Variants in SPINK14 observed in about 807,000 individuals in gnomAD.
SPINK14 encodes serine peptidase inhibitor Kazal type 14 (putative), also known as serine protease inhibitor Kazal-type 14.
A neutral mutation model predicts 14.2 loss-of-function variants in SPINK14; 6 were observed. That is an observed-to-expected ratio of 0.42 (90% CI 0.23 to 0.83). The LOEUF (loss-of-function observed/expected upper bound fraction) is 0.83, where lower values mean the gene tolerates loss of function less well. Ranked by LOEUF, SPINK14 falls within the 40% of genes least tolerant of loss-of-function variation. The pLI is 0.28. For missense variants in SPINK14, 86 were observed against 108.3 expected (o/e 0.79, Z 0.91); for synonymous variants, 34 against 36.8 (o/e 0.92, Z 0.27).
intron 1 of SPINK14, among the ~76,000 whole-genome samples, 128 bp downstream of exon 1, chr5:148,168,695 G>A (rs1271082968): frequency 1.3e-5 from 2 of 152,110 alleles, no homozygotes; most frequent in East Asian, 1.9e-4. Context: ...ATATCAGGAT[G>A]AGATGGGGGT....
intron 1 of SPINK14, among the ~76,000 whole-genome samples, 70 bp downstream of exon 1, chr5:148,168,637 G>A (rs1389329592): frequency 6.8e-6 from 1 of 147,284 alleles, no homozygotes; most frequent in African/African-American, 2.4e-5. Context: ...TCTGGCTGCA[G>A]CTGAACTTGT....
Position 148,174,272 on chromosome 5 carries a change from C to T in SPINK14, c.150C>T (p.Tyr50=). ...ATGAGAAAGTAAACTTGAGCTGGTA[C>T]AATGGAACGGTCAACCCCTGCCCTG... The part of the protein sequence containing the change: ...CPYEKVNLSW[Y]NGTVNPCPGL... Residue 50 remains tyrosine (Y), a synonymous_variant, in exon 4 of 5, where the codon TAC becomes TAT. Coordinates refer to ENST00000356972, the MANE Select transcript of SPINK14 (RefSeq NM_001001325.2). 1 of 1,114,000 alleles carries T rather than the reference C, an allele frequency of 9.0e-7. No individual in the cohort carries two copies. The highest frequency in any genetic ancestry group is 1.6e-5 in the South Asian group (1 of 64,338). 69.0% of individuals were successfully genotyped at this position (1,114,000 alleles called of 1,614,324 possible). A position where few individuals can be genotyped will look rare whatever the true frequency, so the allele number is the denominator to read the frequency against.
At chr5:148,170,079 A>G (rs146261236) in intron 2 of SPINK14, among the ~76,000 whole-genome samples, 100 of 112,602 alleles carry the variant, frequency 8.9e-4, no homozygotes, top group African/African-American at 3.2e-3. Context: ...ACACATATAC[A>G]TATACATATA....
rs759843210 is a variant in SPINK14, at chr5:148,174,215, CT to C, written c.112-15del. On this transcript the variant is annotated intron_variant, in intron 3 of 4. Coordinates refer to ENST00000356972, the MANE Select transcript of SPINK14 (RefSeq NM_001001325.2). ...TAAGTGGGATTCTAACTGGATAAAT[CT>C]TTTCAACTCAATTTCAGGTGAAATG... 1.8e-6 allele frequency: 2 copies of C among 1,106,580 alleles called. 1 individual carries two copies. The allele number at this position is 1,106,580 out of a possible 1,614,324, so 68.5% of individuals were successfully genotyped here.
At chr5:148,172,974 A>G (rs1755127050) in intron 3 of SPINK14, among the ~76,000 whole-genome samples, 1 of 152,112 alleles carries the variant, frequency 6.6e-6, no homozygotes. Flanking sequence ...ACTTTTTTAT[A>G]ATGTGCAATG....
At chr5:148,168,690 A>T (rs1335342195) in intron 1 of SPINK14, among the ~76,000 whole-genome samples, 123 bp downstream of exon 1, 2 of 152,120 alleles carry the variant, frequency 1.3e-5, no homozygotes, top group East Asian at 3.9e-4. Context: ...GGAAAATATC[A>T]GGATGAGATG....
Position 148,170,873 on chromosome 5 carries a change from A to T in SPINK14, c.68-57A>T, listed in dbSNP as rs368148589. ...TAGAACTCGTTTATTCTGCCAACAGATTAAGCTATGATTTAACAGGAATTA... is the reference window on the plus strand; with the variant it reads ...TAGAACTCGTTTATTCTGCCAACAGTTTAAGCTATGATTTAACAGGAATTA... On this transcript the variant is annotated intron_variant, in intron 2 of 4. Coordinates refer to ENST00000356972, the MANE Select transcript of SPINK14 (RefSeq NM_001001325.2). 1.3e-5 allele frequency: 20 copies of T among 1,486,092 alleles called. No individual in the cohort carries two copies. The East Asian group carries it at 3.2e-4, about 24-fold the overall frequency. The allele number at this position is 1,486,092 out of a possible 1,614,324, so 92.1% of individuals were successfully genotyped here.
At chr5:148,172,646 C>T (rs958223604) in intron 3 of SPINK14, among the ~76,000 whole-genome samples, 6 of 152,012 alleles carry the variant, frequency 3.9e-5, no homozygotes, top group African/African-American at 1.4e-4. Context: ...TAAACAAATG[C>T]GTTGTTACAA....
intron 3 of SPINK14, among the ~76,000 whole-genome samples, chr5:148,171,280 C>T (rs896457014): frequency 6.6e-6 from 1 of 152,122 alleles, no homozygotes; most frequent in Non-Finnish European, 1.5e-5. Flanking sequence ...TTGGGCATAA[C>T]ATGGTCCTGG....
chr5:148,170,901 T>C, intron 2 of SPINK14, 29 bp from the exon 3 acceptor site: 1 of 1,598,472 alleles, frequency 6.3e-7, no homozygotes, highest in Non-Finnish European at 8.6e-7. Flanking sequence ...AGGAATTAAA[T>C]TCTGTAACTA....
chr5:148,170,100 CAT>C (rs10544602), intron 2 of SPINK14, among the ~76,000 whole-genome samples: 70,251 of 144,974 alleles, frequency 0.48, 17,489 homozygotes, highest in Middle Eastern at 0.6. Context: ...TATACACACA[CAT>C]GTATATATAT....
At chr5:148,170,878 G>T in intron 2 of SPINK14, 52 bp from the exon 3 acceptor site, 1 of 1,496,388 alleles carries the variant, frequency 6.7e-7, no homozygotes, top group East Asian at 2.3e-5. Context: ...AACAGATTAA[G>T]CTATGATTTA....
chr5:148,170,127 C>CA (rs1421846502), intron 2 of SPINK14, among the ~76,000 whole-genome samples: 1 of 146,950 alleles, frequency 6.8e-6, no homozygotes, highest in Non-Finnish European at 1.5e-5. Context: ...TGAGTATACT[C>CA]AGAGTATATA....
At position 148,175,267 on chromosome 5, in the gene SPINK14, G is replaced by C. The variant is rs150570466; in HGVS notation, c.249-86G>C. 98 of 883,092 alleles carry C rather than the reference G, an allele frequency of 1.1e-4. 1 individual carries two copies. The East Asian group carries it at 2.7e-3, about 24-fold the overall frequency. 54.7% of individuals were successfully genotyped at this position (883,092 alleles called of 1,614,324 possible). On this transcript the variant is annotated intron_variant, in intron 4 of 4. Transcript: ENST00000356972. The stretch of plus-strand genomic sequence containing the variant: ...CTTAGTTTTTCCAAATATAAAACCA[G>C]GTTTTAGATAGATAATTTTAAAAGT...
intron 4 of SPINK14, among the ~76,000 whole-genome samples, chr5:148,174,646 G>A (rs543469777): frequency 2.5e-5 from 1 of 39,464 alleles, no homozygotes; most frequent in East Asian, 4.8e-4. Context: ...CACTCGAGAA[G>A]CTCTCAAATA....
Position 148,175,422 on chromosome 5 carries a change from A to G in SPINK14, c.*24A>G, listed in dbSNP as rs1055722551. 22 of 1,531,842 alleles carry G rather than the reference A, an allele frequency of 1.4e-5. No homozygotes were observed. The highest frequency in any genetic ancestry group is 1.8e-5 in the Non-Finnish European group (20 of 1,131,460). The allele number at this position is 1,531,842 out of a possible 1,614,324, so 94.9% of individuals were successfully genotyped here. On this transcript the variant is annotated 3_prime_UTR_variant, in exon 5 of 5. Coordinates refer to ENST00000356972, the MANE Select transcript of SPINK14 (RefSeq NM_001001325.2). ...AGCTGAGTGGACTTGAATGTGGAAGATATCTTCTTTTTTTTTTCCTCCATG... is the reference window on the plus strand; with the variant it reads ...AGCTGAGTGGACTTGAATGTGGAAGGTATCTTCTTTTTTTTTTCCTCCATG...
intron 3 of SPINK14, 141 bp from the exon 4 acceptor site, chr5:148,174,093 C>T: frequency 2.2e-6 from 1 of 457,738 alleles, no homozygotes; most frequent in East Asian, 3.9e-5. Flanking sequence ...ATCCTCCCAC[C>T]TCAGCCTCCC....
intron 2 of SPINK14, among the ~76,000 whole-genome samples, 167 bp from the exon 3 acceptor site, chr5:148,170,763 T>C (rs539227039): frequency 5.4e-4 from 82 of 152,246 alleles, no homozygotes; most frequent in Middle Eastern, 3.4e-3. Flanking sequence ...GAGTAAAAGA[T>C]TTATTTCACA....
At position 148,170,992 on chromosome 5, in the gene SPINK14, T is replaced by G; in HGVS notation, c.111+19T>G. The G allele has an allele frequency of 6.2e-7, 1 of 1,610,370 alleles. No individual in the cohort carries two copies. The highest frequency in any genetic ancestry group is 8.5e-7 in the Non-Finnish European group (1 of 1,177,176). On this transcript the variant is annotated intron_variant, in intron 3 of 4. Transcript: ENST00000356972. ...TATTAAGGTAATGTTCCATTAAATT[T>G]CCCCCCAGGACTTACATTATAATAT...
Sources: allele counts gnomAD v4.1 joint callset (sites outside exome capture counted in the v4.1 genomes callset), GRCh38; gene constraint gnomAD v4.1.1; transcripts MANE v1.5; gene names NCBI Gene and HGNC (gene_info 2026-07-23, HGNC 2026-07-21).